The following TMCC1 variants were observed in gnomAD, a reference collection of about 807,000 sequenced individuals.
The protein encoded by TMCC1 is transmembrane and coiled-coil domains protein 1.
In TMCC1, 15 loss-of-function variants were observed where a neutral mutation model predicts 52.4. That is an observed-to-expected ratio of 0.29 (90% CI 0.19 to 0.44). The LOEUF (loss-of-function observed/expected upper bound fraction) is 0.44. TMCC1 is among the 20% of genes least tolerant of loss of function. The pLI is 1.00. For missense variants in TMCC1, 503 were observed against 806.0 expected, an observed-to-expected ratio of 0.62 and a Z score of 4.55; for synonymous variants, 279 against 301.9, an observed-to-expected ratio of 0.92 and a Z score of 0.79.
At chr3:129,748,715 A>T (rs1304300374) in intron 4 of TMCC1, among the ~76,000 whole-genome samples, 1 of 151,318 alleles carries the variant, frequency 6.6e-6, no homozygotes, top group Non-Finnish European at 1.5e-5. Flanking sequence ...CTTAATTTCA[A>T]TTTCGGGCCA....
intron 4 of TMCC1, among the ~76,000 whole-genome samples, chr3:129,779,352 C>T (rs2055320696): frequency 6.6e-6 from 1 of 152,088 alleles, no homozygotes; most frequent in Non-Finnish European, 1.5e-5. Context: ...TAATAACAGC[C>T]ATATAATAAA....
intron 3 of TMCC1, among the ~76,000 whole-genome samples, chr3:129,829,897 T>A (rs377310695): frequency 1.0e-3 from 157 of 152,338 alleles, no homozygotes; most frequent in African/African-American, 3.4e-3. Context: ...TTCAAATATT[T>A]TATGGGCACT....
intron 4 of TMCC1, among the ~76,000 whole-genome samples, chr3:129,690,585 GA>G (rs1220477248): frequency 6.6e-6 from 1 of 151,972 alleles, no homozygotes; most frequent in Non-Finnish European, 1.5e-5. Flanking sequence ...AATGGGTTGT[GA>G]AAAAAAGGAA....
At chr3:129,676,032 G>C (rs1277034086) in intron 4 of TMCC1, among the ~76,000 whole-genome samples, 3 of 100,474 alleles carry the variant, frequency 3.0e-5, no homozygotes, top group African/African-American at 1.7e-4. Flanking sequence ...GCGAGACTCT[G>C]TCTCAAAAAA....
chr3:129,861,042 T>C (rs890079157), intron 2 of TMCC1: 1 of 152,206 alleles, frequency 6.6e-6, no homozygotes, highest in South Asian at 2.1e-4. Flanking sequence ...ATAAAACAAA[T>C]GTGGTTACTA....
intron 4 of TMCC1, among the ~76,000 whole-genome samples, chr3:129,703,400 T>C (rs971963407): frequency 2.0e-5 from 3 of 152,218 alleles, no homozygotes; most frequent in African/African-American, 7.2e-5. Flanking sequence ...AACTACAGTA[T>C]TCTGCTGTTT....
At chr3:129,709,526 C>T (rs1187660809) in intron 4 of TMCC1, among the ~76,000 whole-genome samples, 1 of 128,354 alleles carries the variant, frequency 7.8e-6, no homozygotes, top group Non-Finnish European at 1.7e-5. Flanking sequence ...TTTAAATCAT[C>T]AAGGCTAACA....
chr3:129,706,632 T>C (rs547802983), intron 4 of TMCC1, among the ~76,000 whole-genome samples: 4 of 152,290 alleles, frequency 2.6e-5, no homozygotes, highest in Non-Finnish European at 5.9e-5. Flanking sequence ...AGCATTCAAG[T>C]GGATACATTA....
At chr3:129,653,680 C>T (rs1271494802) in intron 6 of TMCC1, among the ~76,000 whole-genome samples, 4 of 152,108 alleles carry the variant, frequency 2.6e-5, no homozygotes, top group Admixed American at 6.5e-5. Flanking sequence ...CCTTGTGATC[C>T]GCCCGCCTCG....
intron 3 of TMCC1, among the ~76,000 whole-genome samples, chr3:129,830,881 T>C (rs1055342356): frequency 1.3e-5 from 2 of 152,244 alleles, no homozygotes; most frequent in Admixed American, 1.3e-4. Flanking sequence ...GTGGTACATT[T>C]TGAATATCAG....
At chr3:129,810,302 G>A (rs2057732502) in intron 4 of TMCC1, among the ~76,000 whole-genome samples, 1 of 152,014 alleles carries the variant, frequency 6.6e-6, no homozygotes, top group Non-Finnish European at 1.5e-5. Flanking sequence ...GGGTTGCAGT[G>A]AGCCAAGATT....
intron 4 of TMCC1, among the ~76,000 whole-genome samples, chr3:129,808,737 T>C (rs1435465576): frequency 1.3e-5 from 2 of 150,446 alleles, no homozygotes; most frequent in African/African-American, 2.4e-5. Flanking sequence ...TAATAAGATA[T>C]GGATAGGAAA....
chr3:129,805,937 A>T (rs2107783343), intron 4 of TMCC1, among the ~76,000 whole-genome samples: 1 of 152,234 alleles, frequency 6.6e-6, no homozygotes, highest in South Asian at 2.1e-4. Flanking sequence ...GTCTCTTCAA[A>T]AAAAAACAAA....
intron 4 of TMCC1, among the ~76,000 whole-genome samples, chr3:129,734,011 CAGA>C (rs1247314762): frequency 1.3e-5 from 2 of 152,046 alleles, no homozygotes; most frequent in African/African-American, 4.8e-5. Flanking sequence ...TCTAGTTAAA[CAGA>C]AGATGAATAT....
intron 2 of TMCC1, among the ~76,000 whole-genome samples, chr3:129,875,809 A>G (rs1240909584): frequency 6.6e-6 from 1 of 152,188 alleles, no homozygotes; most frequent in Non-Finnish European, 1.5e-5. Context: ...CTGGCTGAGT[A>G]TGCTACATAG....
intron 4 of TMCC1, among the ~76,000 whole-genome samples, chr3:129,787,751 T>C (rs1336044750): frequency 3.3e-5 from 5 of 152,232 alleles, no homozygotes; most frequent in African/African-American, 7.2e-5. Flanking sequence ...AAAGTGTTAA[T>C]GATTCTATAC....
At chr3:129,835,271 A>G (rs1363874866) in intron 2 of TMCC1, among the ~76,000 whole-genome samples, 3 of 151,988 alleles carry the variant, frequency 2.0e-5, no homozygotes, top group Admixed American at 6.6e-5. Flanking sequence ...CATGCTGTGA[A>G]TAAGTTTTTC....
chr3:129,886,681 T>C (rs1270587860), intron 1 of TMCC1, among the ~76,000 whole-genome samples: 1 of 152,022 alleles, frequency 6.6e-6, no homozygotes, highest in East Asian at 1.9e-4. Context: ...GGCTCACACC[T>C]GTAATCCCAG....
intron 4 of TMCC1, among the ~76,000 whole-genome samples, chr3:129,737,241 C>T (rs755365295): frequency 1.8e-4 from 27 of 151,668 alleles, no homozygotes; most frequent in Admixed American, 8.5e-4. Flanking sequence ...CTGAGGTGGG[C>T]GAATCACCTG....
Sources: gnomAD v4.1 joint callset for allele counts (sites outside exome capture counted in the v4.1 genomes callset) on GRCh38, gnomAD v4.1.1 for gene constraint, MANE v1.5 for transcripts, NCBI Gene and HGNC (gene_info 2026-07-23, HGNC 2026-07-21) for gene names.